The following WDR47 variants were observed in gnomAD, a reference collection of about 807,000 sequenced individuals.
WDR47 encodes the protein WD repeat domain 47.
WDR47 carries 32 observed loss-of-function variants against 97.2 expected under a neutral mutation model. The observed-to-expected ratio is 0.33, with a 90% confidence interval of 0.25 to 0.44. The LOEUF (loss-of-function observed/expected upper bound fraction) is 0.44. WDR47 is among the 20% of genes least tolerant of loss of function. The probability of loss-of-function intolerance (pLI) is 1.00; values close to 1 mark genes in which losing one functional copy is unlikely to be tolerated. For synonymous variants in WDR47, 375 were observed against 373.5 expected (o/e 1.00, Z -0.05); for missense variants, 782 against 1,102.3 (o/e 0.71, Z 4.11).
In WDR47 at chr1:108,970,409, T is replaced by C. The variant is rs1327354343; in HGVS notation, c.*1021A>G. 5 of 152,546 alleles carry C rather than the reference T, an allele frequency of 3.3e-5. No homozygotes were observed. The East Asian group carries it at 9.6e-4, about 29-fold the overall frequency. The allele number at this position is 152,546 out of a possible 1,614,324, so 9.4% of individuals were successfully genotyped here. A position where few individuals can be genotyped will look rare whatever the true frequency, so the allele number is the denominator to read the frequency against. On this transcript the variant is annotated 3_prime_UTR_variant, in exon 15 of 15. Transcript: ENST00000369962. ...AATTTAAAGTAAAATTACTGTACAA[T>C]ATGAAAATAAAGATACATAAATGTT... is the stretch of plus-strand genomic sequence containing the variant.
chr1:108,987,691 C>T (rs908061607), intron 9 of WDR47, among the ~76,000 whole-genome samples: 2 of 152,030 alleles, frequency 1.3e-5, no homozygotes, highest in African/African-American at 4.8e-5. Flanking sequence ...TGGTCTCAAA[C>T]TCCTGACCTG....
At chr1:108,986,086 A>T (rs2101833292) in intron 10 of WDR47, among the ~76,000 whole-genome samples, 1 of 152,282 alleles carries the variant, frequency 6.6e-6, no homozygotes, top group East Asian at 1.9e-4. Flanking sequence ...TTATATGTAA[A>T]TTACATACAT....
chr1:109,009,293 G>A (rs1197735440), intron 5 of WDR47, among the ~76,000 whole-genome samples: 1 of 152,086 alleles, frequency 6.6e-6, no homozygotes, highest in Admixed American at 6.6e-5. Flanking sequence ...ATCCTCATGG[G>A]TTTACTGGAA....
chr1:108,977,672 T>C (rs967681208), intron 13 of WDR47, among the ~76,000 whole-genome samples: 1 of 152,060 alleles, frequency 6.6e-6, no homozygotes, highest in African/African-American at 2.4e-5. Flanking sequence ...GCTAATAAGG[T>C]GAAACCTCGC....
At chr1:109,002,100 C>T in intron 7 of WDR47, 124 bp downstream of exon 7, 4 of 1,123,754 alleles carry the variant, frequency 3.6e-6, no homozygotes, top group Non-Finnish European at 4.9e-6. Flanking sequence ...TATGTAACTC[C>T]ACATTACTTC....
At chr1:108,984,797 G>C (rs1211868373) in intron 10 of WDR47, among the ~76,000 whole-genome samples, 1 of 152,154 alleles carries the variant, frequency 6.6e-6, no homozygotes, top group East Asian at 1.9e-4. Flanking sequence ...AGAATCACTT[G>C]AACCCAGGAG....
At chr1:109,028,796 AATTT>A (rs1237798761) in intron 1 of WDR47, among the ~76,000 whole-genome samples, 2 of 152,172 alleles carry the variant, frequency 1.3e-5, no homozygotes, top group East Asian at 1.9e-4. Flanking sequence ...AATTTTAATT[AATTT>A]AATATGTATT....
chr1:108,971,648 TAAGAC>T, intron 14 of WDR47, 76 bp from the exon 15 acceptor site: 1 of 1,521,046 alleles, frequency 6.6e-7, no homozygotes, highest in African/African-American at 1.4e-5. Context: ...CCTGTTACTT[TAAGAC>T]ATTACAGTAT....
chr1:109,005,464 T>C (rs1233242646), intron 5 of WDR47, among the ~76,000 whole-genome samples: 2 of 152,096 alleles, frequency 1.3e-5, no homozygotes, highest in African/African-American at 4.8e-5. Flanking sequence ...CACAAATCGA[T>C]TTTTTATTTT....
intron 13 of WDR47, among the ~76,000 whole-genome samples, chr1:108,979,944 T>C (rs1571140411): frequency 6.6e-6 from 1 of 152,220 alleles, no homozygotes; most frequent in Middle Eastern, 3.4e-3. Flanking sequence ...GACAAATGAG[T>C]GAGCATTACC....
intron 8 of WDR47, chr1:108,992,784 A>G: frequency 2.5e-6 from 4 of 1,597,546 alleles, no homozygotes; most frequent in Non-Finnish European, 3.4e-6. Flanking sequence ...GCCCAGAAGA[A>G]AAGGATATCC....
chr1:109,004,796 T>TTTA (rs1009884983), intron 5 of WDR47, 81 bp from the exon 6 acceptor site: 10 of 1,429,204 alleles, frequency 7.0e-6, no homozygotes, highest in South Asian at 1.5e-5. Context: ...GAAATTTTAT[T>TTTA]TTATTATTAT....
At chr1:109,028,789 TTTAA>T (rs1334082493) in intron 1 of WDR47, among the ~76,000 whole-genome samples, 1 of 152,018 alleles carries the variant, frequency 6.6e-6, no homozygotes, top group African/African-American at 2.4e-5. Flanking sequence ...TGAGGTTAAT[TTTAA>T]TTAATTTAAT....
At chr1:108,976,885 T>C (rs1245779416) in intron 13 of WDR47, among the ~76,000 whole-genome samples, 1 of 152,120 alleles carries the variant, frequency 6.6e-6, no homozygotes, top group Non-Finnish European at 1.5e-5. Context: ...GAGGTGAGAC[T>C]AGAAGGGTAA....
At chr1:109,040,278 T>C (rs1368376141) in intron 1 of WDR47, among the ~76,000 whole-genome samples, 1 of 152,174 alleles carries the variant, frequency 6.6e-6, no homozygotes, top group African/African-American at 2.4e-5. Context: ...TTTTCATAAC[T>C]AAAGCGTTTC....
intron 13 of WDR47, among the ~76,000 whole-genome samples, chr1:108,979,049 G>T (rs1048017560): frequency 1.3e-5 from 2 of 152,166 alleles, no homozygotes; most frequent in Admixed American, 1.3e-4. Flanking sequence ...TAAAATGTTT[G>T]TATGTGCATG....
chr1:108,979,960 A>C (rs1658215601), intron 13 of WDR47, among the ~76,000 whole-genome samples: 1 of 152,142 alleles, frequency 6.6e-6, no homozygotes, highest in African/African-American at 2.4e-5. Flanking sequence ...TTACCACCTG[A>C]GCTCCGCCTC....
At chr1:109,028,662 A>T (rs943156450) in intron 1 of WDR47, among the ~76,000 whole-genome samples, 1 of 149,796 alleles carries the variant, frequency 6.7e-6, no homozygotes, top group Non-Finnish European at 1.5e-5. Flanking sequence ...CATGTTGGCC[A>T]AGATGGTCTT....
intron 5 of WDR47, among the ~76,000 whole-genome samples, chr1:109,007,208 T>TTA (rs1256594321): frequency 6.7e-5 from 10 of 149,746 alleles, no homozygotes; most frequent in Non-Finnish European, 1.2e-4. Flanking sequence ...GAAATACATT[T>TTA]TAAATGTATA....
Sources: gnomAD v4.1 joint callset for allele counts (sites outside exome capture counted in the v4.1 genomes callset) on GRCh38, gnomAD v4.1.1 for gene constraint, MANE v1.5 for transcripts, NCBI Gene and HGNC (gene_info 2026-07-23, HGNC 2026-07-21) for gene names.